The following PARL variants were observed in gnomAD, a reference collection of about 807,000 sequenced individuals.
PARL encodes presenilin associated rhomboid like.
In PARL, 44 loss-of-function variants were observed where a neutral mutation model predicts 51.6. The ratio of observed to expected loss-of-function variants is 0.85; its 90% CI spans 0.67 to 1.10. The LOEUF is 1.10. PARL is among the 50% of genes least tolerant of loss of function. The pLI is 0.00. For synonymous variants in PARL, 172 were observed against 164.0 expected, an observed-to-expected ratio of 1.05 and a Z score of -0.37; for missense variants, 441 against 469.5, an observed-to-expected ratio of 0.94 and a Z score of 0.56.
At chr3:183,875,783 TG>T (rs1733737766) in intron 1 of PARL, among the ~76,000 whole-genome samples, 2 of 152,220 alleles carry the variant, frequency 1.3e-5, no homozygotes, top group African/African-American at 2.4e-5. Flanking sequence ...AGCCTTCTAT[TG>T]GAAGAAGATG....
At chr3:183,867,760 T>TC (rs1340047232) in intron 2 of PARL, 105 bp downstream of exon 2, 3 of 816,530 alleles carry the variant, frequency 3.7e-6, no homozygotes, top group Admixed American at 3.8e-5. Flanking sequence ...CTCTTTTTGA[T>TC]CCCCCCTCTA....
rs144236759 is a variant in PARL, at chr3:183,838,722, G to T, written c.828+1848C>A. On this transcript the variant is annotated intron_variant, in intron 7 of 9. Transcript: ENST00000317096. ...AATCACACGTAAGTAGCAGAACCAG[G>T]ATTCACCCCCACTCTAACTCCAAAT... 7.9e-4 allele frequency among the ~76,000 whole-genome samples: 121 copies of T among 152,258 alleles called. 1 individual carries two copies. The highest frequency in any genetic ancestry group is 2.8e-3 in the Admixed American group (43 of 15,276).
Position 183,829,429 on chromosome 3 carries a change from A to G in PARL, c.*169T>C. 6.4e-7 allele frequency: 1 copy of G among 1,574,148 alleles called. No homozygotes were observed. The highest frequency in any genetic ancestry group is 1.4e-5 in the African/African-American group (1 of 73,898). On this transcript the variant is annotated 3_prime_UTR_variant, in exon 10 of 10. Transcript: ENST00000317096. Reference sequence around the variant, plus strand: ...GAAACCTTTATTTCACAACTTTATCATCATTCACATTCTAAAAAGACACGG... The same window carrying G: ...GAAACCTTTATTTCACAACTTTATCGTCATTCACATTCTAAAAAGACACGG...
chr3:183,868,111 C>A (rs1417936006), intron 1 of PARL, 51 bp from the exon 2 acceptor site: 1 of 1,357,322 alleles, frequency 7.4e-7, no homozygotes, highest in Non-Finnish European at 1.1e-6. Context: ...TTGCAAATAT[C>A]AACTTCTATG....
intron 6 of PARL, 23 bp from the exon 7 acceptor site, chr3:183,840,663 A>G (rs1456883467): frequency 1.6e-6 from 2 of 1,248,262 alleles, no homozygotes; most frequent in Non-Finnish European, 2.3e-6. Flanking sequence ...TCACATTACA[A>G]TAATTTAAGT....
Position 183,842,334 on chromosome 3 carries a change from C to G in PARL, c.721G>C (p.Gly241Arg). ...TACACTGCCATGAACTGCTCTTGAC[C>G]CAGAATGTTCACTATGCTGGAAGAG... ...SFSSSIVNIL[G>R]QEQFMAVYLS... is the part of the protein sequence containing the mutation. The change falls in exon 6 of 10, where the codon GGT (glycine) becomes CGT (arginine). Residue 241 changes from glycine (G) to arginine (R), a missense_variant. Gly to Arg is a moderately radical substitution (Grantham distance 125). Transcript: ENST00000317096. The G allele has an allele frequency of 6.2e-7, 1 of 1,613,140 alleles. No homozygotes were observed. The highest frequency in any genetic ancestry group is 8.5e-7 in the Non-Finnish European group (1 of 1,179,914).
chr3:183,842,873 C>CTT (rs550073931), intron 5 of PARL, among the ~76,000 whole-genome samples: 185 of 123,402 alleles, frequency 1.5e-3, no homozygotes, highest in Middle Eastern at 0.013. Context: ...ATTTTTAAGA[C>CTT]TTTTTTTTTT....
intron 1 of PARL, among the ~76,000 whole-genome samples, chr3:183,881,373 C>T (rs895415857): frequency 8.5e-5 from 13 of 152,230 alleles, no homozygotes; most frequent in African/African-American, 2.4e-4. Context: ...CCACCCGCCT[C>T]GGCCTCCCAA....
At position 183,842,362 on chromosome 3, in the gene PARL, G is replaced by A; in HGVS notation, c.693C>T (p.Ser231=). The A allele has an allele frequency of 6.2e-7, 1 of 1,613,780 alleles. No homozygotes were observed. The highest frequency in any genetic ancestry group is 1.1e-5 in the South Asian group (1 of 91,070). Residue 231 remains serine (S), a synonymous_variant, in exon 6 of 10, where the codon AGC becomes AGT. Transcript: ENST00000317096. ...HMAANMYVLW[S]FSSSIVNILG... The stretch of plus-strand genomic sequence containing the variant: ...GAATGTTCACTATGCTGGAAGAGAA[G>A]CTCCACAAAACATACATATTTGCTG...
intron 9 of PARL, among the ~76,000 whole-genome samples, chr3:183,833,185 A>G (rs1469399527): frequency 6.6e-6 from 1 of 152,198 alleles, no homozygotes; most frequent in Non-Finnish European, 1.5e-5. Context: ...AGAAGATGTC[A>G]GCATAGACTG....
In PARL at chr3:183,859,091, G is replaced by A. The variant is rs1391635566; in HGVS notation, c.511+3662C>T. Among the ~76,000 whole-genome samples, 4 of 152,070 alleles carry A rather than the reference G, an allele frequency of 2.6e-5. No individual in the cohort carries two copies. The East Asian group carries it at 7.8e-4, about 30-fold the overall frequency. The stretch of plus-strand genomic sequence containing the variant: ...GGAGGCCGAGGCGGTGGATCACGAG[G>A]TCAGAAGATCTAGACCATCCTGGCT... On this transcript the variant is annotated intron_variant, in intron 4 of 9. Transcript: ENST00000317096.
chr3:183,870,196 T>G (rs1378286312), intron 1 of PARL, among the ~76,000 whole-genome samples: 10 of 148,096 alleles, frequency 6.8e-5, no homozygotes, highest in Non-Finnish European at 1.5e-4. Context: ...AAGAATCGCG[T>G]GAACCTGGGA....
At chr3:183,881,916 T>G (rs1040418758) in intron 1 of PARL, among the ~76,000 whole-genome samples, 1 of 151,944 alleles carries the variant, frequency 6.6e-6, no homozygotes, top group African/African-American at 2.4e-5. Context: ...TTAAAGATAT[T>G]TTGAGGCTAG....
chr3:183,862,205 A>G (rs1411858044), intron 4 of PARL, among the ~76,000 whole-genome samples: 3 of 152,260 alleles, frequency 2.0e-5, no homozygotes, highest in African/African-American at 7.2e-5. Flanking sequence ...CATGCATGTC[A>G]TGCTTACATT....
Position 183,829,508 on chromosome 3 carries a change from C to A in PARL, c.*90G>T. On this transcript the variant is annotated 3_prime_UTR_variant, in exon 10 of 10. Coordinates refer to ENST00000317096, the MANE Select transcript of PARL (RefSeq NM_018622.7). ...AGGCCAGATGCTGGCATCTTCCAGA[C>A]GGGAGCATAGCCATGGTCACTCTAG... The A allele has an allele frequency of 6.2e-7, 1 of 1,612,920 alleles. No individual in the cohort carries two copies. The highest frequency in any genetic ancestry group is 8.5e-7 in the Non-Finnish European group (1 of 1,179,792).
At chr3:183,864,920 TTC>T (rs202201852) in intron 3 of PARL, among the ~76,000 whole-genome samples, 2,060 of 121,828 alleles carry the variant, frequency 0.017, 29 homozygotes, top group South Asian at 0.03. Flanking sequence ...TTTTTTTTTT[TTC>T]CGTATTTCAT....
intron 3 of PARL, among the ~76,000 whole-genome samples, chr3:183,866,003 C>CT (rs1732433580): frequency 6.6e-6 from 1 of 151,908 alleles, no homozygotes. Context: ...CCTCAGCTTC[C>CT]TGAGTAGCTG....
intron 3 of PARL, among the ~76,000 whole-genome samples, chr3:183,865,564 T>C (rs1364067603): frequency 6.6e-6 from 1 of 152,078 alleles, no homozygotes; most frequent in Non-Finnish European, 1.5e-5. Context: ...TACTGTGAGA[T>C]GCACATGTGA....
chr3:183,836,536 G>A (rs1003388867), intron 7 of PARL, among the ~76,000 whole-genome samples: 1 of 152,088 alleles, frequency 6.6e-6, no homozygotes, highest in Non-Finnish European at 1.5e-5. Context: ...TCAGAAAGAA[G>A]AATTTAATGA....
Sources: allele counts gnomAD v4.1 joint callset (sites outside exome capture counted in the v4.1 genomes callset), GRCh38; gene constraint gnomAD v4.1.1; transcripts MANE v1.5; gene names NCBI Gene and HGNC (gene_info 2026-07-23, HGNC 2026-07-21).